The following FAM135A variants were observed in gnomAD, a reference collection of about 807,000 sequenced individuals.
FAM135A encodes the protein protein FAM135A.
Under a neutral mutation model 146.8 loss-of-function variants are expected in FAM135A, and 79 were observed. The ratio of observed to expected loss-of-function variants is 0.54; its 90% CI spans 0.45 to 0.65. FAM135A has a LOEUF of 0.65. FAM135A is among the 30% of genes least tolerant of loss of function. The pLI is 0.00. For synonymous variants in FAM135A, 562 were observed against 603.6 expected (o/e 0.93, Z 1.01); for missense variants, 1,623 against 1,758.2 (o/e 0.92, Z 1.38).
In FAM135A at chr6:70,477,187, A is replaced by T; in HGVS notation, c.397A>T (p.Ile133Leu). 6.2e-7 allele frequency: 1 copy of T among 1,613,432 alleles called. No homozygotes were observed. Among genetic ancestry groups the T allele is most frequent in the Non-Finnish European group, 8.5e-7 (1 of 1,179,648 alleles). The change falls in exon 8 of 22, where the codon ATA becomes TTA. Residue 133 changes from isoleucine to leucine, a missense_variant. This residue lies in a region of FAM135A where 171 missense variants were observed against 164.9 expected (regional missense o/e 1.04). Transcript: ENST00000418814. ...AGATGATCTGAATGCCTTGCAACTA[A>T]TAAGTAGCCGAACATTGAAGCTGCA... ...SADDLNALQL[I>L]SSRTLKLHFS...
chr6:70,509,412 T>A (rs1271415707), intron 12 of FAM135A, among the ~76,000 whole-genome samples: 1 of 152,192 alleles, frequency 6.6e-6, no homozygotes, highest in East Asian at 1.9e-4. Flanking sequence ...ACAGGTTTGT[T>A]ACTAATGCTT....
chr6:70,538,399 C>A lies in FAM135A; in HGVS notation c.4226C>A (p.Ala1409Glu). ...QTFLYKLSNK[A>E]GLHYFKNVVL... ...TTTTTATATAAGCTTAGTAACAAAGCAGGTAAGTATATAATAACAGTTTGG... is the reference window on the plus strand; with the variant it reads ...TTTTTATATAAGCTTAGTAACAAAGAAGGTAAGTATATAATAACAGTTTGG... The change falls in exon 20 of 22, where the codon GCA (alanine) becomes GAA (glutamate). Residue 1409 changes from alanine (A) to glutamate (E), a missense_variant and splice_region_variant. Ala to Glu is a moderately radical substitution (Grantham distance 107). Around this residue, in one of 7 missense-constraint regions of FAM135A, gnomAD observed 138 missense variants for 174.1 expected, o/e 0.79. Transcript: ENST00000418814. The A allele has an allele frequency of 6.8e-7, 1 of 1,470,766 alleles. No individual in the cohort carries two copies. Among genetic ancestry groups the A allele is most frequent in the Non-Finnish European group, 9.1e-7 (1 of 1,099,124 alleles). 91.1% of individuals were successfully genotyped at this position (1,470,766 alleles called of 1,614,324 possible).
intron 4 of FAM135A, among the ~76,000 whole-genome samples, chr6:70,433,578 C>G (rs1772252645): frequency 6.6e-6 from 1 of 150,728 alleles, no homozygotes; most frequent in African/African-American, 2.5e-5. Context: ...TGGAGCTTGG[C>G]TGATGTCATC....
At position 70,528,356 on chromosome 6, in the gene FAM135A, C is replaced by A; in HGVS notation, c.3679C>A (p.Pro1227Thr). 1.2e-6 allele frequency: 2 copies of A among 1,613,702 alleles called. No homozygotes were observed. The highest frequency in any genetic ancestry group is 1.7e-6 in the Non-Finnish European group (2 of 1,179,792). ...TCCTGGGTTCATGTACAGTGAAGTT[C>A]CTCTGCTGGCATCCTCAGTACCTTA... is the stretch of plus-strand genomic sequence containing the variant. Reference protein sequence around the residue: ...KLPGFMYSEVPLLASSVPYFS... With the variant: ...KLPGFMYSEVTLLASSVPYFS... Residue 1227 changes from proline to threonine, a missense_variant, in exon 16 of 22, where the codon CCT (proline) becomes ACT (threonine). Coordinates refer to ENST00000418814, the MANE Select transcript of FAM135A (RefSeq NM_001162529.3).
chr6:70,546,209 A>G (rs1376481035), intron 20 of FAM135A, among the ~76,000 whole-genome samples: 2 of 152,260 alleles, frequency 1.3e-5, no homozygotes, highest in South Asian at 2.1e-4. Flanking sequence ...ACAGGAAAAC[A>G]TAGAACAAAG....
Position 70,533,151 on chromosome 6 carries a change from AT to A in FAM135A, c.3776-3del, listed in dbSNP as rs748365204. On this transcript the variant is annotated splice_region_variant and splice_polypyrimidine_tract_variant and intron_variant, in intron 16 of 21. Transcript: ENST00000418814. ...TCTCATCCTTTAAACATCATTTTTC[AT>A]TTTTTAGGAAACAGTGCAGATCTCC... 40 of 1,607,154 alleles carry A rather than the reference AT, an allele frequency of 2.5e-5. No individual in the cohort carries two copies. The highest frequency in any genetic ancestry group is 3.1e-5 in the Non-Finnish European group (36 of 1,174,618).
intron 5 of FAM135A, among the ~76,000 whole-genome samples, chr6:70,461,495 T>C (rs1779437128): frequency 6.6e-6 from 1 of 152,212 alleles, no homozygotes; most frequent in African/African-American, 2.4e-5. Flanking sequence ...TTCTGTGTTA[T>C]GTATAATTTC....
intron 5 of FAM135A, among the ~76,000 whole-genome samples, chr6:70,470,408 G>A (rs1781377794): frequency 1.3e-5 from 2 of 152,108 alleles, no homozygotes; most frequent in South Asian, 4.1e-4. Context: ...AAGCTGGAGT[G>A]CAGTGGCACA....
chr6:70,526,589 T>C lies in FAM135A; in HGVS notation c.3505T>C (p.Ser1169Pro). ...AGAGTCTCCTTGTAATGTTAAATATTCTTCCAAAAGTAAATTTGATGCCAT... is the reference window on the plus strand; with the variant it reads ...AGAGTCTCCTTGTAATGTTAAATATCCTTCCAAAAGTAAATTTGATGCCAT... Reference protein sequence around the residue: ...PRESPCNVKYSSKSKFDAITK... With the variant: ...PRESPCNVKYPSKSKFDAITK... Residue 1169 changes from serine (S) to proline (P), a missense_variant, in exon 15 of 22, where the codon TCT becomes CCT. By Grantham distance (74) the Ser-to-Pro change is moderately conservative. This residue lies in a region of FAM135A where 1,061 missense variants were observed against 1,113.8 expected (regional missense o/e 0.95). Transcript: ENST00000418814. 1 of 1,613,642 alleles carries C rather than the reference T, an allele frequency of 6.2e-7. No individual in the cohort carries two copies. The highest frequency in any genetic ancestry group is 8.5e-7 in the Non-Finnish European group (1 of 1,179,666).
intron 12 of FAM135A, among the ~76,000 whole-genome samples, chr6:70,506,810 G>A (rs900779240): frequency 7.2e-6 from 1 of 139,500 alleles, no homozygotes; most frequent in Non-Finnish European, 1.5e-5. Flanking sequence ...TAAAAACTAT[G>A]TTTTACTAGA....
At chr6:70,534,172 C>T (rs965523969) in intron 18 of FAM135A, among the ~76,000 whole-genome samples, 1 of 151,736 alleles carries the variant, frequency 6.6e-6, no homozygotes, top group African/African-American at 2.4e-5. Context: ...AGAGTTAAAA[C>T]TCTGTGAATA....
chr6:70,498,209 G>GT (rs1258576977), intron 11 of FAM135A, among the ~76,000 whole-genome samples: 1 of 152,180 alleles, frequency 6.6e-6, no homozygotes, highest in East Asian at 1.9e-4. Flanking sequence ...TTGGGAGGCT[G>GT]TATGTGTCCA....
intron 4 of FAM135A, among the ~76,000 whole-genome samples, chr6:70,448,582 T>A (rs12528385): frequency 0.13 from 19,817 of 151,978 alleles, 1,534 homozygotes; most frequent in Middle Eastern, 0.19. Context: ...AACCCAGTGG[T>A]GCTAGAGGAA....
chr6:70,542,914 T>G (rs929216289), intron 20 of FAM135A, among the ~76,000 whole-genome samples: 1 of 152,178 alleles, frequency 6.6e-6, no homozygotes, highest in Non-Finnish European at 1.5e-5. Flanking sequence ...ATTGTTAATA[T>G]TATCTCTGAA....
chr6:70,517,741 A>AT (rs929863456), intron 12 of FAM135A, among the ~76,000 whole-genome samples: 1 of 151,664 alleles, frequency 6.6e-6, no homozygotes, highest in African/African-American at 2.4e-5. Context: ...TTAATGGGTA[A>AT]TTTTTTTTCT....
At position 70,528,347 on chromosome 6, in the gene FAM135A, A is replaced by G. The variant is rs141360654; in HGVS notation, c.3670A>G (p.Ser1224Gly). 6.2e-7 allele frequency: 1 copy of G among 1,613,536 alleles called. No homozygotes were observed. The highest frequency in any genetic ancestry group is 8.5e-7 in the Non-Finnish European group (1 of 1,179,756). ...KLLKLPGFMYSEVPLLASSVP... is the reference protein window; with the variant it reads ...KLLKLPGFMYGEVPLLASSVP... ...ACTAAAACTTCCTGGGTTCATGTAC[A>G]GTGAAGTTCCTCTGCTGGCATCCTC... is the stretch of plus-strand genomic sequence containing the variant. The change falls in exon 16 of 22, where the codon AGT becomes GGT. Residue 1224 changes from serine (S) to glycine (G), a missense_variant. This residue lies in a region of FAM135A where 1,061 missense variants were observed against 1,113.8 expected (regional missense o/e 0.95). Coordinates refer to ENST00000418814, the MANE Select transcript of FAM135A (RefSeq NM_001162529.3).
Position 70,556,855 on chromosome 6 carries a change from A to G in FAM135A, c.4334A>G (p.Lys1445Arg). The change falls in exon 21 of 22, where the codon AAA becomes AGA. Residue 1445 changes from lysine (K) to arginine (R), a missense_variant. Around this residue, in one of 7 missense-constraint regions of FAM135A, gnomAD observed 138 missense variants for 174.1 expected, o/e 0.79. Coordinates refer to ENST00000418814, the MANE Select transcript of FAM135A (RefSeq NM_001162529.3). ...ATGTGTAAAACAGCTTTAAAGGACAAACAGTCAGGTAATGGAATAAAATTA... is the reference window on the plus strand; with the variant it reads ...ATGTGTAAAACAGCTTTAAAGGACAGACAGTCAGGTAATGGAATAAAATTA... ...IEMCKTALKD[K>R]QSGQIYSEMI... 2 of 1,613,084 alleles carry G rather than the reference A, an allele frequency of 1.2e-6. No homozygotes were observed. The highest frequency in any genetic ancestry group is 2.2e-5 in the South Asian group (2 of 91,058).
At chr6:70,424,351 T>C (rs1769546022) in intron 2 of FAM135A, among the ~76,000 whole-genome samples, 1 of 152,262 alleles carries the variant, frequency 6.6e-6, no homozygotes. Flanking sequence ...AATAGGATTC[T>C]TTTACGTTTC....
intron 10 of FAM135A, among the ~76,000 whole-genome samples, chr6:70,486,550 C>T (rs1784694287): frequency 6.6e-6 from 1 of 152,072 alleles, no homozygotes; most frequent in Admixed American, 6.6e-5. Flanking sequence ...ATTATTACTA[C>T]AATTTGTTGG....
Sources: allele counts gnomAD v4.1 joint callset (sites outside exome capture counted in the v4.1 genomes callset), GRCh38; gene constraint gnomAD v4.1.1; regional missense constraint gnomAD v4.1.1; transcripts MANE v1.5; gene names NCBI Gene and HGNC (gene_info 2026-07-23, HGNC 2026-07-21).